The following HVCN1 variants were observed in gnomAD, a reference collection of about 807,000 sequenced individuals.
The protein encoded by HVCN1 is voltage-gated hydrogen channel 1.
A neutral mutation model predicts 29.2 loss-of-function variants in HVCN1; 14 were observed. The observed-to-expected ratio is 0.48, with a 90% CI of 0.32 to 0.75. HVCN1 has a LOEUF of 0.75. Ranked by LOEUF, HVCN1 falls within the 30% of genes least tolerant of loss-of-function variation. The pLI is 0.04. For missense variants in HVCN1, 263 were observed against 341.8 expected, an observed-to-expected ratio of 0.77 and a Z score of 1.82; for synonymous variants, 131 against 133.2, an observed-to-expected ratio of 0.98 and a Z score of 0.11.
chr12:110,695,224 C>T (rs892415096), intron 2 of HVCN1, among the ~76,000 whole-genome samples: 1 of 152,092 alleles, frequency 6.6e-6, no homozygotes, highest in African/African-American at 2.4e-5. Context: ...GCCTGGGAAA[C>T]ATAGTGAGAC....
chr12:110,655,681 T>C (rs1250749255), intron 4 of HVCN1, among the ~76,000 whole-genome samples: 1 of 150,818 alleles, frequency 6.6e-6, no homozygotes, highest in Non-Finnish European at 1.5e-5. Flanking sequence ...AAACTGCCCA[T>C]ACCTAGATGG....
At chr12:110,659,388 A>C (rs2068090777) in intron 4 of HVCN1, among the ~76,000 whole-genome samples, 1 of 152,172 alleles carries the variant, frequency 6.6e-6, no homozygotes, top group Non-Finnish European at 1.5e-5. Flanking sequence ...CAAGGGCTAC[A>C]TTTCTCTGCT....
chr12:110,668,000 C>A (rs1168664028), intron 3 of HVCN1, among the ~76,000 whole-genome samples: 1 of 152,156 alleles, frequency 6.6e-6, no homozygotes, highest in African/African-American at 2.4e-5. Context: ...CAGAAAAGGG[C>A]AAAGATAGGG....
At chr12:110,683,705 G>GT (rs1259616105) in intron 2 of HVCN1, among the ~76,000 whole-genome samples, 1 of 152,100 alleles carries the variant, frequency 6.6e-6, no homozygotes, top group African/African-American at 2.4e-5. Context: ...GAGGTCAGGA[G>GT]TTTGAGACCA....
At chr12:110,680,144 C>T (rs1461433722) in intron 3 of HVCN1, among the ~76,000 whole-genome samples, 7 of 152,170 alleles carry the variant, frequency 4.6e-5, no homozygotes, top group African/African-American at 9.7e-5. Context: ...GTTCTTCAAA[C>T]CAGTAAGAGG....
chr12:110,700,096 G>C (rs995885851), intron 2 of HVCN1, among the ~76,000 whole-genome samples: 9 of 152,240 alleles, frequency 5.9e-5, no homozygotes, highest in African/African-American at 2.2e-4. Flanking sequence ...CGACACTGCT[G>C]CTCCCAGCCC....
intron 3 of HVCN1, among the ~76,000 whole-genome samples, chr12:110,662,128 AAG>A (rs1420824871): frequency 2.0e-5 from 3 of 152,122 alleles, no homozygotes; most frequent in Non-Finnish European, 4.4e-5. Flanking sequence ...AGCCCAATGG[AAG>A]AGAGAGCCCA....
intron 2 of HVCN1, among the ~76,000 whole-genome samples, chr12:110,687,591 T>C (rs1397677541): frequency 1.3e-5 from 2 of 151,412 alleles, no homozygotes; most frequent in African/African-American, 4.9e-5. Flanking sequence ...GGGATTTGGA[T>C]GGAAGTGAGG....
At chr12:110,668,150 G>A (rs998645495) in intron 3 of HVCN1, among the ~76,000 whole-genome samples, 14 of 151,984 alleles carry the variant, frequency 9.2e-5, no homozygotes, top group African/African-American at 3.1e-4. Context: ...CACCTGCCTC[G>A]GTGCCTGGCT....
intron 4 of HVCN1, among the ~76,000 whole-genome samples, chr12:110,659,543 T>C (rs951968918): frequency 2.6e-5 from 4 of 152,164 alleles, no homozygotes; most frequent in Admixed American, 1.3e-4. Flanking sequence ...CACCCAGACA[T>C]AGGCTCTGCC....
intron 7 of HVCN1, among the ~76,000 whole-genome samples, 176 bp downstream of exon 7, chr12:110,649,992 T>C (rs977042454): frequency 6.6e-6 from 1 of 152,200 alleles, no homozygotes; most frequent in African/African-American, 2.4e-5. Context: ...ATTGCAGGCA[T>C]GTGCCACCAT....
At chr12:110,684,616 G>C (rs2069112569) in intron 2 of HVCN1, among the ~76,000 whole-genome samples, 1 of 152,164 alleles carries the variant, frequency 6.6e-6, no homozygotes, top group Non-Finnish European at 1.5e-5. Context: ...TGGTCCGTAA[G>C]GATCACTCTT....
intron 5 of HVCN1, among the ~76,000 whole-genome samples, chr12:110,654,797 T>C (rs1190895093): frequency 6.6e-6 from 1 of 152,132 alleles, no homozygotes; most frequent in Non-Finnish European, 1.5e-5. Flanking sequence ...ATTTTAACTC[T>C]CTTGATCTCC....
At position 110,694,933 on chromosome 12, in the gene HVCN1, A is replaced by G. The variant is rs1195798993; in HGVS notation, c.-103-6225T>C. Among the ~76,000 whole-genome samples, 1 of 152,214 alleles carries G rather than the reference A, an allele frequency of 6.6e-6. No homozygotes were observed. The highest frequency in any genetic ancestry group is 1.5e-5 in the Non-Finnish European group (1 of 68,034). The stretch of plus-strand genomic sequence containing the variant: ...AGGCCTGGGTGTAAATCCTGCCTCA[A>G]TGGTTTCCCTTGCCCGCTGGGTGAT... On this transcript the variant is annotated intron_variant, in intron 2 of 4. Transcript: ENST00000546713. The surrounding 1 kb of genome is among the most constrained non-coding windows in gnomAD (Gnocchi z 4.6).
chr12:110,665,020 T>C (rs1404872611), intron 3 of HVCN1, among the ~76,000 whole-genome samples: 1 of 152,030 alleles, frequency 6.6e-6, no homozygotes, highest in East Asian at 1.9e-4. Flanking sequence ...GTAGACCTAA[T>C]CTAGCTTTAT....
chr12:110,659,419 A>G (rs901572635), intron 4 of HVCN1, among the ~76,000 whole-genome samples: 3 of 152,188 alleles, frequency 2.0e-5, no homozygotes, highest in Non-Finnish European at 4.4e-5. Flanking sequence ...GGACGGGTCT[A>G]TTTTGTTTGG....
At chr12:110,687,735 C>T (rs781243695) in intron 2 of HVCN1, among the ~76,000 whole-genome samples, 38 of 152,018 alleles carry the variant, frequency 2.5e-4, no homozygotes, top group Non-Finnish European at 4.0e-4. Flanking sequence ...GGGGAAGGGA[C>T]GAGGAGCGGG....
At chr12:110,696,014 G>A (rs1362871397) in intron 2 of HVCN1, among the ~76,000 whole-genome samples, 4 of 150,678 alleles carry the variant, frequency 2.7e-5, no homozygotes, top group Admixed American at 1.3e-4. Flanking sequence ...GTGCAATGGC[G>A]CGATCTCAGC....
chr12:110,655,231 T>C lies in HVCN1; in HGVS notation c.411+3A>G. On this transcript the variant is annotated splice_donor_region_variant and intron_variant, in intron 5 of 7. Transcript: ENST00000242607. Reference sequence around the variant, plus strand: ...AGACCCCAGAAGAGCTGTCAACCCCTACCATGGCAGCATAGTTATTCTTGT... The same window carrying C: ...AGACCCCAGAAGAGCTGTCAACCCCCACCATGGCAGCATAGTTATTCTTGT... 1 of 1,608,364 alleles carries C rather than the reference T, an allele frequency of 6.2e-7. No individual in the cohort carries two copies. Among genetic ancestry groups the C allele is most frequent in the Non-Finnish European group, 8.5e-7 (1 of 1,174,900 alleles).
Sources: allele counts gnomAD v4.1 joint callset (sites outside exome capture counted in the v4.1 genomes callset), GRCh38; gene constraint gnomAD v4.1.1; non-coding constraint Gnocchi (gnomAD v3.1); transcripts MANE v1.5; gene names NCBI Gene and HGNC (gene_info 2026-07-23, HGNC 2026-07-21).